The following DOK7 variants were observed in gnomAD, a reference collection of about 807,000 sequenced individuals.
DOK7 encodes protein Dok-7.
In DOK7, 32 loss-of-function variants were observed where a neutral mutation model predicts 30.7. The ratio of observed to expected loss-of-function variants is 1.04; its 90% CI spans 0.79 to 1.40. The LOEUF is 1.40. DOK7 is among the 40% of genes most tolerant of loss of function. The probability of loss-of-function intolerance (pLI) is 0.00; values close to 1 mark genes in which losing one functional copy is unlikely to be tolerated. For missense variants in DOK7, 1,007 were observed against 699.2 expected (o/e 1.44, Z -4.97); for synonymous variants, 447 against 324.1 (o/e 1.38, Z -4.07).
chr4:3,474,736 C>T (rs773468215), intron 3 of DOK7, among the ~76,000 whole-genome samples: 5 of 151,990 alleles, frequency 3.3e-5, no homozygotes, highest in Non-Finnish European at 5.9e-5. Flanking sequence ...ACAGGAGAAT[C>T]GCTTGAACCT....
Position 3,494,391 on chromosome 4 carries a change from C to T in DOK7, c.*890C>T, listed in dbSNP as rs561432779. 11 of 985,884 alleles carry T rather than the reference C, an allele frequency of 1.1e-5. 1 individual carries two copies. The South Asian group carries it at 2.8e-4, about 25-fold the overall frequency. The allele number at this position is 985,884 out of a possible 1,614,324, so 61.1% of individuals were successfully genotyped here. On this transcript the variant is annotated 3_prime_UTR_variant, in exon 7 of 7. Transcript: ENST00000340083. ...CTGCCCTGACCACAGCCCAGCAGCT[C>T]CCTGTGAACACCTCTTTGTCCCTTC...
At chr4:3,476,089 C>G (rs1263201603) in intron 3 of DOK7, among the ~76,000 whole-genome samples, 1 of 150,580 alleles carries the variant, frequency 6.6e-6, no homozygotes, top group East Asian at 1.9e-4. Context: ...GAGATGCCCT[C>G]TCACCCCACC....
chr4:3,476,475 T>C lies in DOK7; in HGVS notation c.465T>C (p.Ser155=), dbSNP rs1266505828. The C allele has an allele frequency of 6.2e-7, 1 of 1,613,900 alleles. No homozygotes were observed. ...PPAVTGQWKL[S]DLRRYGAVPS... is the part of the protein sequence containing the mutation. Reference sequence around the variant, plus strand: ...CTGTCACGGGGCAGTGGAAGCTGTCTGACCTCCGGCGCTACGGGGCCGTGC... The same window carrying C: ...CTGTCACGGGGCAGTGGAAGCTGTCCGACCTCCGGCGCTACGGGGCCGTGC... Residue 155 remains serine (S), a synonymous_variant, in exon 4 of 7, where the codon TCT becomes TCC. Coordinates refer to ENST00000340083, the MANE Select transcript of DOK7 (RefSeq NM_173660.5).
At chr4:3,467,449 A>ACCCCCCC (rs796674033) in intron 2 of DOK7, among the ~76,000 whole-genome samples, 1 of 78,280 alleles carries the variant, frequency 1.3e-5, no homozygotes, top group Non-Finnish European at 2.7e-5. Context: ...TCCAGGGAAG[A>ACCCCCCC]CCCCCCCCCC....
chr4:3,479,630 A>T (rs1727319344), intron 4 of DOK7, among the ~76,000 whole-genome samples: 1 of 152,194 alleles, frequency 6.6e-6, no homozygotes, highest in African/African-American at 2.4e-5. Context: ...CAGAGAGCAG[A>T]GAGGGTGACC....
chr4:3,485,322 A>G, intron 4 of DOK7: 1 of 570,986 alleles, frequency 1.8e-6, no homozygotes, highest in Non-Finnish European at 2.8e-6. Flanking sequence ...GGCTCTGGGG[A>G]CCCAGCTTCA....
At chr4:3,490,110 C>CCATTCATTCCTTTGTTCACCCCCT (rs1553848858) in intron 6 of DOK7, among the ~76,000 whole-genome samples, 1 of 52,736 alleles carries the variant, frequency 1.9e-5, no homozygotes, top group Non-Finnish European at 3.3e-5. Context: ...TTCTTCACCC[C>CCATTCATTCCTTTGTTCACCCCCT]CATTCATTCC....
intron 3 of DOK7, among the ~76,000 whole-genome samples, chr4:3,475,873 C>T (rs192587342): frequency 6.5e-4 from 99 of 152,190 alleles, no homozygotes; most frequent in African/African-American, 2.1e-3. Flanking sequence ...GGTGGAGGTC[C>T]GAGGTCAGGC....
chr4:3,501,061 G>A (rs1729162577), exon 8 of DOK7: 2 of 619,192 alleles, frequency 3.2e-6, no homozygotes, highest in Non-Finnish European at 5.3e-6. Context: ...AGTTGCTCTG[G>A]ACCCCAGGCT....
intron 6 of DOK7, chr4:3,500,145 G>A: frequency 7.5e-7 from 1 of 1,341,316 alleles, no homozygotes; most frequent in Non-Finnish European, 1.0e-6. Context: ...GAGAGGCGGA[G>A]TGGGGAGGAG....
In DOK7 at chr4:3,489,884, T is replaced by G. The variant is rs1728088397; in HGVS notation, c.772+88T>G. 4.6e-6 allele frequency: 7 copies of G among 1,507,638 alleles called. No homozygotes were observed. The South Asian group carries it at 7.3e-5, about 16-fold the overall frequency. 93.4% of individuals were successfully genotyped at this position (1,507,638 alleles called of 1,614,324 possible). ...GAGGCATCCATGCATGTGTGGGGGC[T>G]GCAGGCTCCCTCTGCTCATTCATTC... On this transcript the variant is annotated intron_variant, in intron 6 of 6. Transcript: ENST00000340083.
In DOK7 at chr4:3,476,374, A is replaced by T. The variant is rs759813760; in HGVS notation, c.364A>T (p.Thr122Ser). Residue 122 changes from threonine to serine, a missense_variant, in exon 4 of 7, where the codon ACC (threonine) becomes TCC (serine). Transcript: ENST00000340083. ...GTTCCATGTGACAGTGGCTCCAGGC[A>T]CCAAGTTGGAGAGCGGCCCGGCTAC... The part of the protein sequence containing the change: ...HRFHVTVAPG[T>S]KLESGPATLH... 1.9e-6 allele frequency: 3 copies of T among 1,610,796 alleles called. No homozygotes were observed. In the South Asian group the frequency reaches 3.3e-5, roughly 18 times the overall value.
intron 2 of DOK7, among the ~76,000 whole-genome samples, chr4:3,468,648 G>T (rs573406603): frequency 6.4e-4 from 90 of 139,904 alleles, no homozygotes; most frequent in African/African-American, 2.1e-3. Flanking sequence ...CTGTGTGTGT[G>T]CATGTATGAG....
intron 6 of DOK7, among the ~76,000 whole-genome samples, chr4:3,490,199 C>CA (rs1728164452): frequency 1.3e-5 from 1 of 74,834 alleles, no homozygotes; most frequent in African/African-American, 6.1e-5. Flanking sequence ...CTCATTCCTT[C>CA]CCCCCTCATT....
chr4:3,482,403 C>T (rs1240791485), intron 4 of DOK7, among the ~76,000 whole-genome samples: 2 of 152,234 alleles, frequency 1.3e-5, no homozygotes, highest in Non-Finnish European at 2.9e-5. Flanking sequence ...GCCTCAGTTT[C>T]CCTCCAGGAA....
intron 6 of DOK7, among the ~76,000 whole-genome samples, chr4:3,490,060 T>TCACCC (rs1728115143): frequency 1.1e-5 from 1 of 88,286 alleles, no homozygotes; most frequent in East Asian, 7.6e-4. Flanking sequence ...ATTAATTCCT[T>TCACCC]CCTCCCCCCA....
intron 6 of DOK7, 57 bp from the exon 7 acceptor site, chr4:3,492,702 C>T (rs904083238): frequency 3.8e-5 from 61 of 1,600,038 alleles, no homozygotes; most frequent in Non-Finnish European, 4.2e-5. Flanking sequence ...GCATCAGCCA[C>T]GTCCTGCCCA....
intron 4 of DOK7, among the ~76,000 whole-genome samples, chr4:3,478,885 C>T (rs1266639584): frequency 6.6e-6 from 1 of 152,162 alleles, no homozygotes; most frequent in East Asian, 1.9e-4. Context: ...CAACGCAGCA[C>T]TGAGTGCAGG....
chr4:3,494,877 C>T (rs935664234), downstream of DOK7, among the ~76,000 whole-genome samples: 2 of 152,198 alleles, frequency 1.3e-5, no homozygotes, highest in African/African-American at 4.8e-5. Context: ...GAGTTCCAGG[C>T]TTGTCTCAGT....
Sources: allele counts gnomAD v4.1 joint callset (sites outside exome capture counted in the v4.1 genomes callset), GRCh38; gene constraint gnomAD v4.1.1; transcripts MANE v1.5; gene names NCBI Gene and HGNC (gene_info 2026-07-23, HGNC 2026-07-21).